Variants in PRKCH observed in about 807,000 individuals in gnomAD.
PRKCH encodes the protein protein kinase C eta type.
In PRKCH, 28 loss-of-function variants were observed where a neutral mutation model predicts 82.5. The ratio of observed to expected loss-of-function variants is 0.34; its 90% CI spans 0.25 to 0.47. The LOEUF (loss-of-function observed/expected upper bound fraction) is 0.47, where lower values mean the gene tolerates loss of function less well. Ranked by LOEUF, PRKCH falls within the 20% of genes least tolerant of loss-of-function variation. The pLI is 1.00. For synonymous variants in PRKCH, 322 were observed against 327.4 expected (o/e 0.98, Z 0.18); for missense variants, 705 against 881.8 (o/e 0.80, Z 2.54).
rs150130722 is a variant in PRKCH, at chr14:61,234,902, T to C, written c.-19+47234T>C. The stretch of plus-strand genomic sequence containing the variant: ...CTGCCACATAGCCATAGGCAGTCTC[T>C]GTCTCTTTTGCTGACAAACAGAGCA... On this transcript the variant is annotated intron_variant, in intron 1 of 3. Coordinates refer to the PRKCH transcript ENST00000555185. Among the ~76,000 whole-genome samples, 16 of 152,358 alleles carry C rather than the reference T, an allele frequency of 1.1e-4. No individual in the cohort carries two copies. In the East Asian group the frequency reaches 3.1e-3, roughly 29 times the overall value.
intron 1 of PRKCH, among the ~76,000 whole-genome samples, chr14:61,213,479 T>G (rs562680174): frequency 6.6e-6 from 1 of 152,370 alleles, no homozygotes; most frequent in Non-Finnish European, 1.5e-5. Flanking sequence ...AACTGGGGTT[T>G]TGTATTCATT....
At chr14:61,237,839 C>A (rs901397624) in intron 1 of PRKCH, among the ~76,000 whole-genome samples, 1 of 152,212 alleles carries the variant, frequency 6.6e-6, no homozygotes, top group Admixed American at 6.5e-5. Flanking sequence ...TGGGCACTTG[C>A]GGTCAGGCCT....
chr14:61,421,433 G>C (rs1157803070), intron 2 of PRKCH, among the ~76,000 whole-genome samples: 1 of 152,084 alleles, frequency 6.6e-6, no homozygotes, highest in African/African-American at 2.4e-5. Context: ...TTGTGACTTA[G>C]GCTCTCTCTT....
upstream of PRKCH, among the ~76,000 whole-genome samples, chr14:61,317,559 C>A (rs778933850): frequency 6.6e-6 from 1 of 152,226 alleles, no homozygotes; most frequent in Non-Finnish European, 1.5e-5. Flanking sequence ...CAGGCGTGAG[C>A]CATGGTGCCA....
intron 1 of PRKCH, chr14:61,281,252 G>T: frequency 1.5e-6 from 1 of 652,068 alleles, no homozygotes; most frequent in Non-Finnish European, 2.2e-6. Context: ...CGCGGGTCGG[G>T]TTTCCCGCCA....
chr14:61,450,519 A>C (rs1884454893), intron 5 of PRKCH, among the ~76,000 whole-genome samples: 1 of 152,218 alleles, frequency 6.6e-6, no homozygotes, highest in African/African-American at 2.4e-5. Flanking sequence ...GTTCTGGGAA[A>C]TAGATGGGGG....
intron 1 of PRKCH, among the ~76,000 whole-genome samples, chr14:61,359,825 T>C (rs1194323329): frequency 6.6e-6 from 1 of 152,252 alleles, no homozygotes; most frequent in Non-Finnish European, 1.5e-5. Context: ...ATCAATTATA[T>C]TAGCCACATG....
intron 1 of PRKCH, among the ~76,000 whole-genome samples, chr14:61,352,660 G>GAAAGAA (rs1425331406): frequency 5.7e-5 from 7 of 123,690 alleles, no homozygotes; most frequent in African/African-American, 2.2e-4. Flanking sequence ...AAGAAAGAAA[G>GAAAGAA]AGAGAGAGAG....
intron 3 of PRKCH, 36 bp downstream of exon 3, chr14:61,443,297 T>G: frequency 1.3e-6 from 2 of 1,591,466 alleles, no homozygotes; most frequent in Non-Finnish European, 1.7e-6. Context: ...TCCTCAGAGC[T>G]TCCATCTAAT....
chr14:61,326,519 A>G (rs2045698697), intron 1 of PRKCH, among the ~76,000 whole-genome samples: 1 of 152,224 alleles, frequency 6.6e-6, no homozygotes, highest in Non-Finnish European at 1.5e-5. Flanking sequence ...ATGATTTCAC[A>G]GTTATATACA....
chr14:61,420,718 A>T (rs929526670), intron 2 of PRKCH, among the ~76,000 whole-genome samples: 7 of 152,210 alleles, frequency 4.6e-5, no homozygotes, highest in African/African-American at 7.2e-5. Context: ...AGTAAGCACA[A>T]TTCATTTGAT....
chr14:61,194,421 C>T (rs935646586), intron 1 of PRKCH, among the ~76,000 whole-genome samples: 2 of 152,138 alleles, frequency 1.3e-5, no homozygotes, highest in Non-Finnish European at 2.9e-5. Flanking sequence ...GATTAACGCT[C>T]TTATAAAAGA....
intron 1 of PRKCH, among the ~76,000 whole-genome samples, chr14:61,377,109 C>G (rs1162077280): frequency 6.6e-6 from 1 of 152,186 alleles, no homozygotes; most frequent in Non-Finnish European, 1.5e-5. Context: ...ACTGTCATCT[C>G]CCCTTTAAAG....
chr14:61,430,965 A>T (rs1883360769), intron 2 of PRKCH, among the ~76,000 whole-genome samples: 2 of 152,198 alleles, frequency 1.3e-5, no homozygotes, highest in Admixed American at 6.5e-5. Flanking sequence ...CATGTTGGCC[A>T]GGATGGTCTG....
intron 1 of PRKCH, among the ~76,000 whole-genome samples, chr14:61,243,763 C>T (rs1334977811): frequency 6.6e-6 from 1 of 152,088 alleles, no homozygotes; most frequent in African/African-American, 2.4e-5. Flanking sequence ...ATTCAATGGA[C>T]TCATCCTATA....
intron 1 of PRKCH, among the ~76,000 whole-genome samples, chr14:61,309,453 A>G (rs1403958811): frequency 6.6e-6 from 1 of 152,216 alleles, no homozygotes; most frequent in African/African-American, 2.4e-5. Flanking sequence ...AGGATGAGGC[A>G]GAGCTGATAA....
At chr14:61,235,865 A>T (rs1043816723) in intron 1 of PRKCH, among the ~76,000 whole-genome samples, 1 of 152,236 alleles carries the variant, frequency 6.6e-6, no homozygotes, top group African/African-American at 2.4e-5. Flanking sequence ...AGTGACATAC[A>T]GCAAACAGGA....
At chr14:61,278,996 C>CACACACAG (rs1263339332) in intron 1 of PRKCH, 1 of 151,860 alleles carries the variant, frequency 6.6e-6, no homozygotes, top group Non-Finnish European at 1.5e-5. Context: ...CACACACACA[C>CACACACAG]ACACACACAC....
chr14:61,215,234 A>G (rs1374331709), intron 1 of PRKCH, among the ~76,000 whole-genome samples: 1 of 152,202 alleles, frequency 6.6e-6, no homozygotes, highest in Non-Finnish European at 1.5e-5. Context: ...CACAACCAGT[A>G]GACTTTAAGT....
Sources: gnomAD v4.1 joint callset for allele counts (sites outside exome capture counted in the v4.1 genomes callset) on GRCh38, gnomAD v4.1.1 for gene constraint, MANE v1.5 for transcripts, NCBI Gene and HGNC (gene_info 2026-07-23, HGNC 2026-07-21) for gene names.